Variants in MYO3B observed in about 807,000 individuals in gnomAD.
The protein encoded by MYO3B is myosin IIIB.
Under a neutral mutation model 174.6 loss-of-function variants are expected in MYO3B, and 156 were observed. That is an observed-to-expected ratio of 0.89 (90% CI 0.78 to 1.02). The LOEUF (loss-of-function observed/expected upper bound fraction) is 1.02, where lower values mean the gene tolerates loss of function less well. Among genes scored for constraint, MYO3B ranks in the 50% least tolerant of loss-of-function variants. The probability of loss-of-function intolerance (pLI) is 0.00; values close to 1 mark genes in which losing one functional copy is unlikely to be tolerated. For synonymous variants in MYO3B, 563 were observed against 569.1 expected, an observed-to-expected ratio of 0.99 and a Z score of 0.15; for missense variants, 1,632 against 1,639.4, an observed-to-expected ratio of 1.00 and a Z score of 0.08.
intron 8 of MYO3B, among the ~76,000 whole-genome samples, chr2:170,365,251 A>G (rs1187444794): frequency 6.6e-6 from 1 of 152,028 alleles, no homozygotes; most frequent in African/African-American, 2.4e-5. Flanking sequence ...CCATTTCCTC[A>G]CCTCTTAAAA....
At chr2:170,463,115 G>T (rs537122531) in intron 23 of MYO3B, among the ~76,000 whole-genome samples, 1 of 152,350 alleles carries the variant, frequency 6.6e-6, no homozygotes, top group African/African-American at 2.4e-5. Context: ...AGATGTAGAA[G>T]TATAGAAATA....
chr2:170,572,226 G>A (rs1181583770), intron 32 of MYO3B, among the ~76,000 whole-genome samples: 3 of 152,022 alleles, frequency 2.0e-5, no homozygotes, highest in East Asian at 1.9e-4. Flanking sequence ...TCAGGGGTTC[G>A]AGACCAGCCT....
At chr2:170,463,540 G>C (rs1684439083) in intron 24 of MYO3B, 95 bp downstream of exon 24, 1 of 1,058,784 alleles carries the variant, frequency 9.4e-7, no homozygotes, top group Non-Finnish European at 1.4e-6. Context: ...TGAAACAAGG[G>C]CAAAGCACAG....
At chr2:170,445,824 G>C (rs1401228987) in intron 23 of MYO3B, among the ~76,000 whole-genome samples, 1 of 152,130 alleles carries the variant, frequency 6.6e-6, no homozygotes. Flanking sequence ...TTTTTGTAGA[G>C]ATGAGGTCTT....
intron 32 of MYO3B, among the ~76,000 whole-genome samples, chr2:170,621,515 G>GTTTTTTTTT (rs145064554): frequency 4.1e-5 from 6 of 144,698 alleles, no homozygotes; most frequent in Admixed American, 6.9e-5. Flanking sequence ...TTGTTTTTTT[G>GTTTTTTTTT]TTTTTTTGTT....
intron 1 of MYO3B, among the ~76,000 whole-genome samples, chr2:170,185,782 A>G (rs1435148380): frequency 6.6e-6 from 1 of 152,116 alleles, no homozygotes; most frequent in Non-Finnish European, 1.5e-5. Context: ...TGAACATAGA[A>G]TATCTTTCCC....
At chr2:170,248,801 T>C (rs913740703) in intron 7 of MYO3B, among the ~76,000 whole-genome samples, 4 of 152,224 alleles carry the variant, frequency 2.6e-5, no homozygotes, top group African/African-American at 4.8e-5. Context: ...TTGGTAACCA[T>C]ACCTGCATAT....
At chr2:170,194,123 A>T (rs1374447323) in intron 1 of MYO3B, among the ~76,000 whole-genome samples, 3 of 152,158 alleles carry the variant, frequency 2.0e-5, no homozygotes, top group Non-Finnish European at 4.4e-5. Context: ...AAGCTGTTGC[A>T]TGTCTGAAAG....
Position 170,654,645 on chromosome 2 carries a change from C to A in MYO3B, c.*1524C>A, listed in dbSNP as rs1699187766. 1.3e-5 allele frequency: 1 copy of A among 76,924 alleles called. No homozygotes were observed. Among genetic ancestry groups the A allele is most frequent in the Non-Finnish European group, 2.2e-5 (1 of 46,138 alleles). 4.8% of individuals were successfully genotyped at this position (76,924 alleles called of 1,614,324 possible). ...CCTGGGCGACAGGGCAAGACTCTGT[C>A]TCAAAAAAAAAAAAAAAAAAAAAAA... On this transcript the variant is annotated 3_prime_UTR_variant, in exon 35 of 35. Coordinates refer to ENST00000408978, the MANE Select transcript of MYO3B (RefSeq NM_138995.5).
chr2:170,410,058 C>A (rs375074714), intron 22 of MYO3B, among the ~76,000 whole-genome samples: 1 of 152,180 alleles, frequency 6.6e-6, no homozygotes. Context: ...GATGTTCCCA[C>A]TAGAAGCAAG....
At position 170,387,153 on chromosome 2, in the gene MYO3B, G is replaced by A; in HGVS notation, c.1422G>A (p.Leu474=). Residue 474 remains leucine, a synonymous_variant, in exon 14 of 35, where the codon CTG becomes CTA. Coordinates refer to ENST00000408978, the MANE Select transcript of MYO3B (RefSeq NM_138995.5). ...LREKILQVNS[L]VEAFGNSCTA... is the part of the protein sequence containing the mutation. ...AGAAAATTCTACAAGTCAACTCCCT[G>A]GTGGAAGCCTTTGGGAACTCATGCA... is the stretch of plus-strand genomic sequence containing the variant. 6.2e-7 allele frequency: 1 copy of A among 1,614,104 alleles called. No individual in the cohort carries two copies. Among genetic ancestry groups the A allele is most frequent in the Non-Finnish European group, 8.5e-7 (1 of 1,179,960 alleles).
chr2:170,356,110 G>A (rs1397681487), intron 8 of MYO3B, among the ~76,000 whole-genome samples: 4 of 150,820 alleles, frequency 2.7e-5, no homozygotes, highest in Non-Finnish European at 5.9e-5. Context: ...ACAGGTGCCC[G>A]CCACCATGCC....
At chr2:170,348,636 T>C (rs944236888) in intron 8 of MYO3B, 1 of 152,166 alleles carries the variant, frequency 6.6e-6, no homozygotes, top group Non-Finnish European at 1.5e-5. Context: ...AGACACCTCC[T>C]CCATTTCCCC....
intron 7 of MYO3B, among the ~76,000 whole-genome samples, chr2:170,328,313 A>G (rs1028924863): frequency 6.6e-6 from 1 of 152,174 alleles, no homozygotes; most frequent in South Asian, 2.1e-4. Context: ...GAACCCAGCA[A>G]TAAGGTTCAG....
At chr2:170,506,977 C>CTCATT (rs1166688692) in intron 28 of MYO3B, among the ~76,000 whole-genome samples, 3 of 152,176 alleles carry the variant, frequency 2.0e-5, no homozygotes, top group African/African-American at 7.2e-5. Flanking sequence ...TTTTTCTTCA[C>CTCATT]TCATTTCATT....
chr2:170,374,440 T>C (rs1190311656), intron 9 of MYO3B, among the ~76,000 whole-genome samples: 2 of 152,120 alleles, frequency 1.3e-5, no homozygotes, highest in Non-Finnish European at 2.9e-5. Context: ...AATTAGGAAC[T>C]AAGGATAGCT....
chr2:170,449,955 C>T (rs932274933), intron 23 of MYO3B, among the ~76,000 whole-genome samples: 1 of 152,112 alleles, frequency 6.6e-6, no homozygotes, highest in East Asian at 1.9e-4. Context: ...CATCAGAGCC[C>T]TATATCTGAT....
chr2:170,469,090 C>A (rs183520070), intron 25 of MYO3B, among the ~76,000 whole-genome samples: 1 of 152,074 alleles, frequency 6.6e-6, no homozygotes, highest in Non-Finnish European at 1.5e-5. Flanking sequence ...GAGCCAAGAT[C>A]GTGCCACTGC....
rs116743040 is a variant in MYO3B at position 170,403,599 on chromosome 2, G to A, written c.2277+604G>A. ...ACCCCAACCTTTACTTAAACCTTAA[G>A]ACTCTCTTCTGTATGAAGTAGTTGC... On this transcript the variant is annotated intron_variant, in intron 19 of 34. Coordinates refer to ENST00000408978, the MANE Select transcript of MYO3B (RefSeq NM_138995.5). Among the ~76,000 whole-genome samples the A allele has an allele frequency of 2.0e-3, 304 of 152,340 alleles. 2 individuals are homozygous for A. The highest frequency in any genetic ancestry group is 7.0e-3 in the African/African-American group (292 of 41,578).
Sources: gnomAD v4.1 joint callset for allele counts (sites outside exome capture counted in the v4.1 genomes callset) on GRCh38, gnomAD v4.1.1 for gene constraint, MANE v1.5 for transcripts, NCBI Gene and HGNC (gene_info 2026-07-23, HGNC 2026-07-21) for gene names.